SLCO2A1: variants seen among roughly 807,000 people sequenced by gnomAD.
The protein encoded by SLCO2A1 is matrin F/G 1.
In SLCO2A1, 60 loss-of-function variants were observed where a neutral mutation model predicts 71.7. The observed-to-expected ratio is 0.84, with a 90% CI of 0.68 to 1.04. The LOEUF (loss-of-function observed/expected upper bound fraction) is 1.04. Among genes scored for constraint, SLCO2A1 ranks in the 50% least tolerant of loss-of-function variants. The pLI is 0.00. For missense variants in SLCO2A1, 745 were observed against 813.4 expected, an observed-to-expected ratio of 0.92 and a Z score of 1.02; for synonymous variants, 308 against 326.7, an observed-to-expected ratio of 0.94 and a Z score of 0.62.
intron 3 of SLCO2A1, among the ~76,000 whole-genome samples, chr3:133,966,334 T>C (rs986586575): frequency 1.3e-5 from 2 of 152,184 alleles, no homozygotes; most frequent in Non-Finnish European, 2.9e-5. Context: ...TCTAGTCCCA[T>C]GGTGTTCAAA....
rs142686474 is a variant in SLCO2A1, at chr3:133,952,389, C to A, written c.725-1045G>T. On this transcript the variant is annotated intron_variant, in intron 5 of 13. Coordinates refer to ENST00000310926, the MANE Select transcript of SLCO2A1 (RefSeq NM_005630.3). ...TCTGTGACGTGACTTGTTTGCAGGG[C>A]AGTGGTGGGAGTGCTCTTCCTGGAG... Among the ~76,000 whole-genome samples the A allele has an allele frequency of 8.5e-3, 1,288 of 152,338 alleles. 6 individuals are homozygous for A. The highest frequency in any genetic ancestry group is 0.012 in the Non-Finnish European group (818 of 68,022).
chr3:133,939,005 G>A (rs997049198), intron 11 of SLCO2A1, among the ~76,000 whole-genome samples: 6 of 152,090 alleles, frequency 3.9e-5, no homozygotes, highest in Non-Finnish European at 8.8e-5. Context: ...AGGGCCCTTG[G>A]GCTGCAGGCT....
At chr3:133,961,976 G>C (rs1163658079) in intron 3 of SLCO2A1, among the ~76,000 whole-genome samples, 1 of 152,262 alleles carries the variant, frequency 6.6e-6, no homozygotes, top group Non-Finnish European at 1.5e-5. Flanking sequence ...GACAGATGTA[G>C]TGTGGGCTTC....
intron 1 of SLCO2A1, among the ~76,000 whole-genome samples, chr3:134,017,482 A>G (rs1215908115): frequency 1.3e-5 from 2 of 152,152 alleles, no homozygotes; most frequent in African/African-American, 2.4e-5. Context: ...CTGTGTCTTC[A>G]TGTCCTTCCT....
chr3:133,965,771 C>T (rs1050772933), intron 3 of SLCO2A1, among the ~76,000 whole-genome samples: 3 of 89,334 alleles, frequency 3.4e-5, no homozygotes, highest in Non-Finnish European at 7.6e-5. Context: ...CCGCACTGGG[C>T]CCCCAAAGGG....
chr3:133,979,640 C>T (rs370119049), intron 1 of SLCO2A1, 22 bp from the exon 2 acceptor site: 19 of 1,582,558 alleles, frequency 1.2e-5, no homozygotes, highest in South Asian at 4.7e-5. Context: ...GTGATGGGCC[C>T]GTGAGGTTTC....
chr3:134,021,997 G>C (rs146875485), intron 1 of SLCO2A1, among the ~76,000 whole-genome samples: 1 of 122,194 alleles, frequency 8.2e-6, no homozygotes, highest in East Asian at 2.5e-4. Context: ...AAAAAAAAAA[G>C]TAAAAAAAAA....
chr3:134,005,835 A>T (rs1303394402), intron 1 of SLCO2A1, among the ~76,000 whole-genome samples: 1 of 152,064 alleles, frequency 6.6e-6, no homozygotes, highest in Non-Finnish European at 1.5e-5. Flanking sequence ...TTATATTTAT[A>T]TTGTGTTCCT....
At chr3:134,019,862 C>T (rs763577508) in intron 1 of SLCO2A1, among the ~76,000 whole-genome samples, 29 of 152,058 alleles carry the variant, frequency 1.9e-4, no homozygotes, top group South Asian at 4.2e-4. Context: ...GTTGAGTTTC[C>T]GCTGTTCCCA....
chr3:133,993,501 T>C (rs1222448744), intron 1 of SLCO2A1, among the ~76,000 whole-genome samples: 1 of 152,078 alleles, frequency 6.6e-6, no homozygotes, highest in Admixed American at 6.5e-5. Context: ...CTGGAAGAGA[T>C]GAAACATAAA....
At position 133,965,090 on chromosome 3, in the gene SLCO2A1, A is replaced by T. The variant is rs1315313134; in HGVS notation, c.397+8573T>A. Among the ~76,000 whole-genome samples the T allele has an allele frequency of 2.0e-5, 3 of 152,134 alleles. No individual in the cohort carries two copies. In the East Asian group the frequency reaches 5.8e-4, roughly 29 times the overall value. ...GTGAGATAGAATTTATTGTTCACAG[A>T]TTTATTCAGTAAGCTGATGAGAAGC... On this transcript the variant is annotated intron_variant, in intron 3 of 13. Coordinates refer to ENST00000310926, the MANE Select transcript of SLCO2A1 (RefSeq NM_005630.3).
intron 1 of SLCO2A1, among the ~76,000 whole-genome samples, chr3:134,010,426 G>C (rs1043884386): frequency 6.6e-6 from 1 of 152,092 alleles, no homozygotes; most frequent in African/African-American, 2.4e-5. Context: ...GCAAGAGTGA[G>C]AGTGCAAAGG....
At position 133,973,728 on chromosome 3, in the gene SLCO2A1, C is replaced by A. The variant is rs772154759; in HGVS notation, c.332G>T (p.Gly111Val). 3.1e-6 allele frequency: 5 copies of A among 1,614,084 alleles called. No homozygotes were observed. The highest frequency in any genetic ancestry group is 1.1e-5 in the South Asian group (1 of 91,054). Residue 111 changes from glycine (G) to valine (V), a missense_variant, in exon 3 of 14, where the codon GGT (glycine) becomes GTT (valine). By Grantham distance (109) the Gly-to-Val change is moderately radical. Transcript: ENST00000310926. Reference sequence around the variant, plus strand: ...GTGTGGGAGGGTGAGGATGAAGGCACCTGCAGCCAGGAAGAGACCTCCGAT... The same window carrying A: ...GTGTGGGAGGGTGAGGATGAAGGCAACTGCAGCCAGGAAGAGACCTCCGAT... The part of the protein sequence containing the change: ...IGIGGLFLAA[G>V]AFILTLPHFL...
intron 1 of SLCO2A1, among the ~76,000 whole-genome samples, chr3:133,992,976 G>A (rs950318258): frequency 6.6e-6 from 1 of 152,190 alleles, no homozygotes; most frequent in Admixed American, 6.5e-5. Flanking sequence ...CACTGACCCT[G>A]CACTGAGCTG....
chr3:133,965,638 T>C (rs1001073409), intron 3 of SLCO2A1, among the ~76,000 whole-genome samples: 12 of 84,198 alleles, frequency 1.4e-4, no homozygotes, highest in African/African-American at 4.5e-4. Flanking sequence ...CTTGGCACAA[T>C]GTATGGGGAC....
intron 1 of SLCO2A1, among the ~76,000 whole-genome samples, chr3:133,994,366 C>T (rs1012410760): frequency 3.3e-5 from 5 of 152,114 alleles, no homozygotes; most frequent in African/African-American, 7.2e-5. Flanking sequence ...CTGGGGTGAG[C>T]GGGAATGTGC....
intron 5 of SLCO2A1, among the ~76,000 whole-genome samples, chr3:133,952,538 T>G (rs1311380926): frequency 2.6e-5 from 4 of 152,202 alleles, no homozygotes; most frequent in African/African-American, 9.6e-5. Flanking sequence ...GGTGCTGACC[T>G]TCCCCATCTT....
chr3:133,941,599 G>A (rs931008542), intron 11 of SLCO2A1, among the ~76,000 whole-genome samples: 1 of 152,004 alleles, frequency 6.6e-6, no homozygotes, highest in Non-Finnish European at 1.5e-5. Flanking sequence ...TTTTCTCCTT[G>A]CAGCCAGTGA....
At chr3:133,957,348 A>G (rs1400680652) in intron 3 of SLCO2A1, among the ~76,000 whole-genome samples, 1 of 152,056 alleles carries the variant, frequency 6.6e-6, no homozygotes, top group Non-Finnish European at 1.5e-5. Context: ...GAAATGTCAA[A>G]CACCCATGTA....
Sources: allele counts gnomAD v4.1 joint callset (sites outside exome capture counted in the v4.1 genomes callset), GRCh38; gene constraint gnomAD v4.1.1; transcripts MANE v1.5; gene names NCBI Gene and HGNC (gene_info 2026-07-23, HGNC 2026-07-21).